Variants in FAM81A observed in about 807,000 individuals in gnomAD.
FAM81A encodes protein FAM81A.
A neutral mutation model predicts 46.7 loss-of-function variants in FAM81A; 19 were observed. The observed-to-expected ratio is 0.41, with a 90% CI of 0.28 to 0.60. The LOEUF is 0.60. FAM81A is among the 20% of genes least tolerant of loss of function. FAM81A has a pLI of 0.34. For missense variants in FAM81A, 377 were observed against 453.5 expected (o/e 0.83, Z 1.53); for synonymous variants, 183 against 152.9 (o/e 1.20, Z -1.45).
At chr15:59,466,622 G>A (rs1340868614) in intron 3 of FAM81A, among the ~76,000 whole-genome samples, 1 of 151,768 alleles carries the variant, frequency 6.6e-6, no homozygotes, top group African/African-American at 2.4e-5. Context: ...TGTCAGATGG[G>A]TAGATTGCAA....
At chr15:59,417,588 G>T (rs1171664326) in intron 2 of FAM81A, among the ~76,000 whole-genome samples, 1 of 151,464 alleles carries the variant, frequency 6.6e-6, no homozygotes, top group Non-Finnish European at 1.5e-5. Context: ...AATGGTGCAC[G>T]CCTGTAATCC....
chr15:59,402,768 G>A (rs938693181), intron 2 of FAM81A, among the ~76,000 whole-genome samples: 1 of 152,000 alleles, frequency 6.6e-6, no homozygotes, highest in African/African-American at 2.4e-5. Context: ...TAGCCAGGCT[G>A]GTCTCGAACT....
chr15:59,449,654 C>T (rs1003448912), intron 1 of FAM81A, among the ~76,000 whole-genome samples: 3 of 151,754 alleles, frequency 2.0e-5, no homozygotes, highest in Admixed American at 2.0e-4. Flanking sequence ...TGGTGGCGGG[C>T]GCCTGTAGTC....
At chr15:59,429,151 A>G (rs1712155013) in intron 2 of FAM81A, among the ~76,000 whole-genome samples, 1 of 152,208 alleles carries the variant, frequency 6.6e-6, no homozygotes, top group Admixed American at 6.5e-5. Flanking sequence ...TCAACTGCTA[A>G]TATTGGGAAA....
intron 4 of FAM81A, among the ~76,000 whole-genome samples, chr15:59,493,930 C>T (rs1447078306): frequency 1.3e-5 from 2 of 152,162 alleles, no homozygotes; most frequent in Non-Finnish European, 2.9e-5. Flanking sequence ...TAAAGTTCAG[C>T]TGAAGTGTCA....
intron 4 of FAM81A, among the ~76,000 whole-genome samples, chr15:59,499,390 A>G (rs2082067219): frequency 6.6e-6 from 1 of 152,242 alleles, no homozygotes; most frequent in Admixed American, 6.5e-5. Context: ...GTAACAATAC[A>G]ATTGTATGCA....
chr15:59,452,050 C>T (rs1041409664), intron 1 of FAM81A, among the ~76,000 whole-genome samples: 2 of 152,054 alleles, frequency 1.3e-5, no homozygotes, highest in African/African-American at 2.4e-5. Flanking sequence ...GAGTGTTTGC[C>T]GAATTTCAGT....
At chr15:59,517,262 G>A (rs1049430460) in intron 8 of FAM81A, among the ~76,000 whole-genome samples, 4 of 152,134 alleles carry the variant, frequency 2.6e-5, no homozygotes, top group Non-Finnish European at 4.4e-5. Context: ...TCAGCAGGGC[G>A]CATTAATTCA....
chr15:59,477,493 G>A (rs2081787364), intron 3 of FAM81A, among the ~76,000 whole-genome samples: 1 of 152,178 alleles, frequency 6.6e-6, no homozygotes, highest in African/African-American at 2.4e-5. Flanking sequence ...TATTAACACT[G>A]TATCTTGGCA....
chr15:59,434,900 A>G (rs774963073), upstream of FAM81A, among the ~76,000 whole-genome samples: 50 of 152,342 alleles, frequency 3.3e-4, no homozygotes, highest in South Asian at 1.7e-3. Flanking sequence ...GAGCCTACTT[A>G]CTATCCTTAT....
intron 6 of FAM81A, among the ~76,000 whole-genome samples, chr15:59,512,517 T>C (rs1330628184): frequency 6.7e-6 from 1 of 148,374 alleles, no homozygotes; most frequent in Non-Finnish European, 1.5e-5. Flanking sequence ...AAAAATATGC[T>C]GTTTTAAGAT....
upstream of FAM81A, among the ~76,000 whole-genome samples, chr15:59,433,672 A>G (rs80275120): frequency 0.038 from 5,782 of 152,264 alleles, 312 homozygotes; most frequent in African/African-American, 0.12. Context: ...AATTTTCTTA[A>G]TTCTATTTTA....
At chr15:59,513,679 A>G (rs1406883586) in intron 6 of FAM81A, among the ~76,000 whole-genome samples, 2 of 152,204 alleles carry the variant, frequency 1.3e-5, no homozygotes, top group African/African-American at 4.8e-5. Context: ...ATTAAAAAAA[A>G]TTGTTAGAAC....
intron 3 of FAM81A, among the ~76,000 whole-genome samples, chr15:59,471,890 C>T (rs1255798792): frequency 6.6e-6 from 1 of 152,126 alleles, no homozygotes; most frequent in Non-Finnish European, 1.5e-5. Flanking sequence ...CATTTGTCTT[C>T]AGGGTTCTAA....
intron 1 of FAM81A, among the ~76,000 whole-genome samples, chr15:59,399,464 A>G (rs2081061180): frequency 6.6e-6 from 1 of 152,180 alleles, no homozygotes; most frequent in Non-Finnish European, 1.5e-5. Context: ...AGTCTCTGCC[A>G]CAAACATTGA....
At chr15:59,454,146 TAGCTATA>T (rs1201018856) in intron 1 of FAM81A, among the ~76,000 whole-genome samples, 1 of 152,226 alleles carries the variant, frequency 6.6e-6, no homozygotes, top group Non-Finnish European at 1.5e-5. Context: ...ACTCTGTTTT[TAGCTATA>T]AGGAAATAGG....
intron 3 of FAM81A, among the ~76,000 whole-genome samples, chr15:59,462,369 T>C (rs959112971): frequency 3.3e-5 from 5 of 152,188 alleles, no homozygotes; most frequent in African/African-American, 1.2e-4. Flanking sequence ...TGGTATCTCA[T>C]TGTGGTTTTA....
chr15:59,490,194 A>G (rs1246065379), intron 3 of FAM81A, among the ~76,000 whole-genome samples: 15 of 152,196 alleles, frequency 9.9e-5, no homozygotes, highest in African/African-American at 2.7e-4. Context: ...TCTCTAGGAC[A>G]TTGGAGTGGG....
At chr15:59,520,260 T>C (rs575322285) in intron 8 of FAM81A, among the ~76,000 whole-genome samples, 4 of 152,264 alleles carry the variant, frequency 2.6e-5, no homozygotes, top group Admixed American at 1.3e-4. Flanking sequence ...CCACCAACAG[T>C]GTACAAGTGT....
Sources: gnomAD v4.1 joint callset for allele counts (sites outside exome capture counted in the v4.1 genomes callset) on GRCh38, gnomAD v4.1.1 for gene constraint, MANE v1.5 for transcripts, NCBI Gene and HGNC (gene_info 2026-07-23, HGNC 2026-07-21) for gene names.